Variants in NLRC5 observed in about 807,000 individuals in gnomAD.
The protein encoded by NLRC5 is protein NLRC5.
Under a neutral mutation model 206.9 loss-of-function variants are expected in NLRC5, and 114 were observed. The observed-to-expected ratio is 0.55, with a 90% CI of 0.47 to 0.64. NLRC5 has a LOEUF of 0.64. Among genes scored for constraint, NLRC5 ranks in the 30% least tolerant of loss-of-function variants. The probability of loss-of-function intolerance (pLI) is 0.00; values close to 1 mark genes in which losing one functional copy is unlikely to be tolerated. For missense variants in NLRC5, 2,008 were observed against 2,305.5 expected, an observed-to-expected ratio of 0.87 and a Z score of 2.64; for synonymous variants, 952 against 962.8, an observed-to-expected ratio of 0.99 and a Z score of 0.21.
chr16:57,034,984 C>A (rs1215169775), intron 13 of NLRC5: 1 of 152,246 alleles, frequency 6.6e-6, no homozygotes, highest in East Asian at 1.9e-4. Flanking sequence ...GTGGTGATCA[C>A]CTCTTGATCC....
intron 15 of NLRC5, 137 bp from the exon 16 acceptor site, chr16:57,039,644 G>T (rs11859243): frequency 2.7e-6 from 2 of 735,888 alleles, no homozygotes; most frequent in African/African-American, 3.5e-5. Flanking sequence ...TTGAGCCCAG[G>T]AGGTGGAGGC....
chr16:56,993,425 A>G (rs542771371), intron 1 of NLRC5, among the ~76,000 whole-genome samples: 48 of 152,294 alleles, frequency 3.2e-4, no homozygotes, highest in African/African-American at 1.1e-3. Context: ...ACAGTGCTGT[A>G]ATGAATATCC....
intron 38 of NLRC5, among the ~76,000 whole-genome samples, chr16:57,073,481 C>G (rs886393699): frequency 1.3e-5 from 2 of 152,186 alleles, no homozygotes; most frequent in Non-Finnish European, 2.9e-5. Flanking sequence ...ACTGACACTT[C>G]CAGTTTGCTT....
intron 33 of NLRC5, 46 bp from the exon 34 acceptor site, chr16:57,066,488 C>T (rs780715247): frequency 3.0e-5 from 48 of 1,578,642 alleles, no homozygotes; most frequent in African/African-American, 4.1e-5. Flanking sequence ...CTAGGCCCTC[C>T]GGGGAAGGCT....
intron 5 of NLRC5, among the ~76,000 whole-genome samples, chr16:57,024,601 C>T (rs985888629): frequency 5.3e-5 from 8 of 152,348 alleles, no homozygotes; most frequent in South Asian, 2.1e-4. Flanking sequence ...CAGTTCCGAT[C>T]GGTAATGCCT....
chr16:57,045,380 GT>G, intron 20 of NLRC5, 67 bp from the exon 21 acceptor site: 2 of 1,561,020 alleles, frequency 1.3e-6, no homozygotes, highest in Non-Finnish European at 1.8e-6. Context: ...ACCAGTCTGG[GT>G]TCTTGCCACT....
chr16:57,006,995 C>G (rs1262939594), intron 1 of NLRC5, among the ~76,000 whole-genome samples: 1 of 151,630 alleles, frequency 6.6e-6, no homozygotes, highest in Non-Finnish European at 1.5e-5. Flanking sequence ...TCTTGTATTT[C>G]TCTTCCTTGC....
intron 1 of NLRC5, among the ~76,000 whole-genome samples, chr16:57,003,466 C>G (rs2058536069): frequency 6.6e-6 from 1 of 152,124 alleles, no homozygotes; most frequent in African/African-American, 2.4e-5. Context: ...ACTGTCAGAG[C>G]TCCCCCAACC....
intron 8 of NLRC5, 66 bp downstream of exon 8, chr16:57,028,451 C>A: frequency 8.0e-7 from 1 of 1,248,678 alleles, no homozygotes; most frequent in South Asian, 1.2e-5. Flanking sequence ...CCAGAGTCCC[C>A]CTGGGGCCTG....
At chr16:57,047,858 C>A (rs2064214366) in intron 23 of NLRC5, 1 of 577,790 alleles carries the variant, frequency 1.7e-6, no homozygotes, top group Non-Finnish European at 3.1e-6. Flanking sequence ...ACTGGGGAAG[C>A]CTTCACCTGC....
At chr16:57,041,942 C>T in intron 18 of NLRC5, 40 bp from the exon 19 acceptor site, 16 of 1,404,252 alleles carry the variant, frequency 1.1e-5, no homozygotes, top group South Asian at 1.4e-5. Flanking sequence ...ACCCACTCCC[C>T]ACCTGCTAAT....
chr16:57,066,745 TCTGAC>T, intron 34 of NLRC5, 131 bp downstream of exon 34: 1 of 782,442 alleles, frequency 1.3e-6, no homozygotes, highest in Non-Finnish European at 2.1e-6. Context: ...GCTACAGAGG[TCTGAC>T]CAACCCACTT....
chr16:57,072,633 C>G (rs2144963570), intron 38 of NLRC5, among the ~76,000 whole-genome samples: 1 of 134,018 alleles, frequency 7.5e-6, no homozygotes, highest in African/African-American at 2.4e-5. Context: ...GCACAGATTC[C>G]TGTTTAGACA....
chr16:57,071,147 GT>G (rs2082268346), intron 38 of NLRC5, among the ~76,000 whole-genome samples: 1 of 148,310 alleles, frequency 6.7e-6, no homozygotes, highest in Non-Finnish European at 1.5e-5. Context: ...ATGGGGAAGT[GT>G]TGTGAGTGAG....
At chr16:57,076,624 T>A (rs2068436926) in intron 39 of NLRC5, among the ~76,000 whole-genome samples, 195 bp from the exon 40 acceptor site, 1 of 152,196 alleles carries the variant, frequency 6.6e-6, no homozygotes, top group Non-Finnish European at 1.5e-5. Context: ...TCTCAAGTTT[T>A]CTCACCTGGA....
chr16:56,994,409 C>G (rs2057347826), intron 1 of NLRC5, among the ~76,000 whole-genome samples: 1 of 152,182 alleles, frequency 6.6e-6, no homozygotes, highest in Admixed American at 6.5e-5. Context: ...TTCAGCTTCT[C>G]CACTGAGCTT....
intron 11 of NLRC5, among the ~76,000 whole-genome samples, chr16:57,032,595 G>T (rs2062004513): frequency 6.6e-6 from 1 of 150,814 alleles, no homozygotes; most frequent in Non-Finnish European, 1.5e-5. Context: ...GAAATTTTCA[G>T]TTCATTAGTC....
chr16:57,042,677 T>G (rs1394753582), intron 19 of NLRC5, among the ~76,000 whole-genome samples: 4 of 152,172 alleles, frequency 2.6e-5, no homozygotes, highest in African/African-American at 7.2e-5. Flanking sequence ...GGTCCTATAT[T>G]CCAGGCTGTC....
At chr16:57,015,940 A>AG (rs1204163632) in intron 1 of NLRC5, among the ~76,000 whole-genome samples, 24 of 144,792 alleles carry the variant, frequency 1.7e-4, no homozygotes, top group East Asian at 1.0e-3. Flanking sequence ...AAAAAAAAAA[A>AG]AAAAAAAAGA....
Sources: allele counts gnomAD v4.1 joint callset (sites outside exome capture counted in the v4.1 genomes callset), GRCh38; gene constraint gnomAD v4.1.1; transcripts MANE v1.5; gene names NCBI Gene and HGNC (gene_info 2026-07-23, HGNC 2026-07-21).